The following PTPRD variants were observed in gnomAD, a reference collection of about 807,000 sequenced individuals.
The protein encoded by PTPRD is protein tyrosine phosphatase receptor type D, also known as receptor-type tyrosine-protein phosphatase delta.
A neutral mutation model predicts 214.5 loss-of-function variants in PTPRD; 34 were observed. The ratio of observed to expected loss-of-function variants is 0.16; its 90% CI spans 0.12 to 0.21. The LOEUF is 0.21. Among genes scored for constraint, PTPRD ranks in the 10% least tolerant of loss-of-function variants. The pLI is 1.00. For synonymous variants in PTPRD, 1,128 were observed against 845.7 expected (o/e 1.33, Z -5.79); for missense variants, 2,545 against 2,398.7 (o/e 1.06, Z -1.27).
intron 14 of PTPRD, among the ~76,000 whole-genome samples, chr9:8,554,049 G>A (rs962519480): frequency 2.0e-5 from 3 of 152,120 alleles, no homozygotes; most frequent in East Asian, 1.9e-4. Flanking sequence ...TTAGCCGGGC[G>A]TGGTATTGCA....
intron 3 of PTPRD, among the ~76,000 whole-genome samples, chr9:10,127,326 CAA>C (rs2098827390): frequency 2.6e-5 from 4 of 152,094 alleles, no homozygotes; most frequent in Non-Finnish European, 5.9e-5. Context: ...TCCATTATCT[CAA>C]AATAATGTGG....
At chr9:8,951,963 G>A (rs1247018205) in intron 11 of PTPRD, among the ~76,000 whole-genome samples, 3 of 151,696 alleles carry the variant, frequency 2.0e-5, no homozygotes, top group Non-Finnish European at 4.4e-5. Flanking sequence ...TCATTCTTCG[G>A]TCTCTGCTCA....
chr9:8,607,035 G>C (rs1036946489), intron 14 of PTPRD, among the ~76,000 whole-genome samples: 4 of 152,194 alleles, frequency 2.6e-5, no homozygotes, highest in African/African-American at 9.6e-5. Flanking sequence ...TGGGGCTGCA[G>C]GGTTTGGAAT....
intron 11 of PTPRD, among the ~76,000 whole-genome samples, chr9:8,989,915 G>A (rs898897007): frequency 9.9e-5 from 15 of 151,996 alleles, no homozygotes; most frequent in Non-Finnish European, 2.1e-4. Flanking sequence ...ATAAGTTTAC[G>A]TCTACATTTT....
At chr9:8,745,254 T>A (rs529511733) in intron 11 of PTPRD, among the ~76,000 whole-genome samples, 2 of 152,348 alleles carry the variant, frequency 1.3e-5, no homozygotes, top group East Asian at 3.9e-4. Flanking sequence ...GAGGAGGGCT[T>A]AGAACCAATT....
chr9:8,765,837 A>T (rs1263378619), intron 11 of PTPRD, among the ~76,000 whole-genome samples: 2 of 152,184 alleles, frequency 1.3e-5, no homozygotes, highest in Non-Finnish European at 2.9e-5. Flanking sequence ...ACCCAGCATT[A>T]TGACTTTTCA....
chr9:10,118,429 G>C (rs1046377975), intron 3 of PTPRD, among the ~76,000 whole-genome samples: 13 of 151,574 alleles, frequency 8.6e-5, no homozygotes, highest in African/African-American at 2.7e-4. Flanking sequence ...TTAAAGAGTT[G>C]TCCTGGTGTT....
chr9:9,884,190 T>C lies in PTPRD; in HGVS notation c.-368+54317A>G, dbSNP rs144953959. On this transcript the variant is annotated intron_variant, in intron 5 of 45. Transcript: ENST00000381196. ...AAGCCTCCCCATCATCCTTCAAACA[T>C]TGACTATGGACTGTGTTCAGGGCAC... Among the ~76,000 whole-genome samples the C allele has an allele frequency of 6.0e-3, 915 of 152,176 alleles. 8 individuals carry two copies. The highest frequency in any genetic ancestry group is 9.7e-3 in the Non-Finnish European group (659 of 68,000).
intron 11 of PTPRD, among the ~76,000 whole-genome samples, chr9:8,875,591 A>G (rs969385658): frequency 4.0e-5 from 6 of 151,126 alleles, no homozygotes; most frequent in Admixed American, 6.7e-5. Context: ...AGTATTTACA[A>G]AAGAATATAG....
intron 35 of PTPRD, among the ~76,000 whole-genome samples, chr9:8,411,963 G>A (rs930053429): frequency 6.6e-6 from 1 of 152,200 alleles, no homozygotes; most frequent in African/African-American, 2.4e-5. Context: ...TTTCCAGGCA[G>A]TTTGGGGCAA....
chr9:10,030,425 T>C lies in PTPRD; in HGVS notation c.-472+3293A>G, dbSNP rs575487952. ...TGTGCTATCGAATAGATATGTTGAT[T>C]TGTTTCTCAGAAATAAGGCCTTAGG... On this transcript the variant is annotated intron_variant, in intron 4 of 45. Coordinates refer to ENST00000381196, the MANE Select transcript of PTPRD (RefSeq NM_002839.4). Among the ~76,000 whole-genome samples the C allele has an allele frequency of 3.9e-4, 60 of 152,304 alleles. 1 individual carries two copies. The South Asian group carries it at 0.012, about 31-fold the overall frequency.
rs1287155883 is a variant in PTPRD at position 8,948,475 on chromosome 9, A to ATT, written c.-104+70221_-104+70222insAA. ...TATTTATATATATATTTACATATAT[A>ATT]TATATTTATATATATATTTATATAT... On this transcript the variant is annotated intron_variant, in intron 11 of 45. Coordinates refer to ENST00000381196, the MANE Select transcript of PTPRD (RefSeq NM_002839.4). Among the ~76,000 whole-genome samples, 64 of 47,970 alleles carry ATT rather than the reference A, an allele frequency of 1.3e-3. 12 individuals carry two copies. Among genetic ancestry groups the ATT allele is most frequent in the African/African-American group, 5.0e-3 (64 of 12,852 alleles). 31.5% of individuals were successfully genotyped at this position (47,970 alleles called of 152,430 possible). A position where few individuals can be genotyped will look rare whatever the true frequency, so the allele number is the denominator to read the frequency against.
intron 15 of PTPRD, 145 bp downstream of exon 15, chr9:8,528,446 C>A (rs2074798087): frequency 4.0e-6 from 3 of 744,180 alleles, no homozygotes; most frequent in Admixed American, 2.2e-5. Context: ...CAAACATGGA[C>A]CACCCATTAA....
intron 39 of PTPRD, among the ~76,000 whole-genome samples, chr9:8,343,712 A>G (rs1854739587): frequency 6.6e-6 from 1 of 152,018 alleles, no homozygotes; most frequent in African/African-American, 2.4e-5. Flanking sequence ...CATAAACAAC[A>G]GCATACATCT....
At chr9:8,545,091 T>A (rs2079659122) in intron 14 of PTPRD, among the ~76,000 whole-genome samples, 1 of 152,084 alleles carries the variant, frequency 6.6e-6, no homozygotes. Context: ...TTTAAATGTT[T>A]ATCTTGGTTG....
intron 5 of PTPRD, among the ~76,000 whole-genome samples, chr9:9,928,697 A>G (rs2085221481): frequency 6.6e-6 from 1 of 152,000 alleles, no homozygotes; most frequent in African/African-American, 2.4e-5. Flanking sequence ...ATTTGGTGAA[A>G]GAAAATAAAG....
chr9:8,447,670 T>C (rs903954249), intron 34 of PTPRD, among the ~76,000 whole-genome samples: 2 of 152,142 alleles, frequency 1.3e-5, no homozygotes, highest in Admixed American at 1.3e-4. Context: ...ACATTTTCTG[T>C]TGGTGCGAGA....
At chr9:9,801,567 C>T (rs1416822577) in intron 5 of PTPRD, among the ~76,000 whole-genome samples, 1 of 152,004 alleles carries the variant, frequency 6.6e-6, no homozygotes, top group African/African-American at 2.4e-5. Flanking sequence ...TTTCTGTGGC[C>T]ACTGGAGAGT....
intron 9 of PTPRD, among the ~76,000 whole-genome samples, chr9:9,240,663 G>A (rs1039129341): frequency 3.3e-5 from 5 of 152,106 alleles, no homozygotes; most frequent in Admixed American, 3.3e-4. Context: ...AAGCATTGTT[G>A]AACAGTAAGT....
Sources: allele counts gnomAD v4.1 joint callset (sites outside exome capture counted in the v4.1 genomes callset), GRCh38; gene constraint gnomAD v4.1.1; transcripts MANE v1.5; gene names NCBI Gene and HGNC (gene_info 2026-07-23, HGNC 2026-07-21).